Variants in HCFC1 observed in about 807,000 individuals in gnomAD.
HCFC1 encodes host cell factor 1.
A neutral mutation model predicts 105.5 loss-of-function variants in HCFC1; 7 were observed. The ratio of observed to expected loss-of-function variants is 0.07; its 90% CI spans 0.04 to 0.12. The LOEUF is 0.12. Ranked by LOEUF, HCFC1 falls within the 10% of genes least tolerant of loss-of-function variation. The pLI is 1.00. For missense variants in HCFC1, 1,065 were observed against 1,823.6 expected (o/e 0.58, Z 7.58); for synonymous variants, 918 against 828.1 (o/e 1.11, Z -1.86).
intron 13 of HCFC1, 126 bp downstream of exon 13, chrX:153,957,187 CA>C: frequency 1.0e-6 from 1 of 972,257 alleles, no homozygotes; most frequent in Admixed American, 2.7e-5. Flanking sequence ...CCCTTAGACA[CA>C]AAAGGCAGCA....
chrX:153,949,206 A>G lies in HCFC1; in HGVS notation c.*141T>C. The G allele has an allele frequency of 2.1e-6, 1 of 486,474 alleles. No individual in the cohort carries two copies. The highest frequency in any genetic ancestry group is 3.6e-6 in the Non-Finnish European group (1 of 275,085). The allele number at this position is 486,474 out of a possible 1,213,427, so 40.1% of individuals were successfully genotyped here. Reference sequence around the variant, plus strand: ...TTTAGATTATTTTAAAAACAGAGAGAAAGAGAAAGGGGAGAGGAGTGAACA... The same window carrying G: ...TTTAGATTATTTTAAAAACAGAGAGGAAGAGAAAGGGGAGAGGAGTGAACA... On this transcript the variant is annotated 3_prime_UTR_variant, in exon 26 of 26. Coordinates refer to ENST00000310441, the MANE Select transcript of HCFC1 (RefSeq NM_005334.3).
rs781908241 is a variant in HCFC1, at chrX:153,954,692, G to C, written c.3707C>G (p.Ala1236Gly). The C allele has an allele frequency of 4.2e-6, 5 of 1,202,314 alleles. No homozygotes were observed. The highest frequency in any genetic ancestry group is 5.6e-6 in the Non-Finnish European group (5 of 891,079). Residue 1236 changes from alanine (A) to glycine (G), a missense_variant, in exon 17 of 26, where the codon GCG becomes GGG. Ala to Gly is a moderately conservative substitution (Grantham distance 60). Around this residue, in one of 17 missense-constraint regions of HCFC1, gnomAD observed 546 missense variants for 599.9 expected, o/e 0.91. Transcript: ENST00000310441. The stretch of plus-strand genomic sequence containing the variant: ...ACGGGTCATGGCAGCGGTGCTGACC[G>C]CATGGCTGTGGCGCCCCGCAGGAAG... ...KDLPAGRHSH[A>G]VSTAAMTRSS...
chrX:153,970,437 G>A (rs1478531690), intron 1 of HCFC1, among the ~76,000 whole-genome samples: 1 of 96,161 alleles, frequency 1.0e-5, no homozygotes, highest in Admixed American at 1.1e-4. Context: ...GGAGGGAGGG[G>A]GAGGAGGGGA....
chrX:153,962,620 C>T (rs186658074), intron 4 of HCFC1, among the ~76,000 whole-genome samples: 25 of 112,675 alleles, frequency 2.2e-4, no homozygotes, highest in Admixed American at 2.0e-3. Context: ...ATACGTTCAC[C>T]GCCATAACCA....
Position 153,954,289 on chromosome X carries a change from C to T in HCFC1, c.4110G>A (p.Ser1370=), listed in dbSNP as rs2065347116. The T allele has an allele frequency of 4.2e-6, 5 of 1,199,045 alleles. No homozygotes were observed. The highest frequency in any genetic ancestry group is 5.6e-6 in the Non-Finnish European group (5 of 887,491). The change falls in exon 17 of 26, where the codon TCG becomes TCA. Residue 1370 remains serine, a synonymous_variant. Coordinates refer to ENST00000310441, the MANE Select transcript of HCFC1 (RefSeq NM_005334.3). The part of the protein sequence containing the change: ...HQTTSTGTTM[S]VSVGALLPDA... ...CGGGAAGCAGGGCACCCACGCTGAC[C>T]GACATGGTGGTGCCAGTGGAAGTGG...
intron 9 of HCFC1, among the ~76,000 whole-genome samples, chrX:153,959,067 G>C (rs1557115979): frequency 8.8e-6 from 1 of 113,145 alleles, no homozygotes; most frequent in Admixed American, 9.3e-5. Flanking sequence ...CAGCTGGCTA[G>C]ATCCTCCTCT....
intron 1 of HCFC1, among the ~76,000 whole-genome samples, chrX:153,966,036 C>T (rs1029917416): frequency 1.8e-5 from 2 of 110,738 alleles, no homozygotes; most frequent in Non-Finnish European, 3.8e-5. Context: ...AGGGAGACCC[C>T]GTCTCTACAA....
At chrX:153,951,199 T>C in intron 22 of HCFC1, 151 bp downstream of exon 22, 1 of 696,273 alleles carries the variant, frequency 1.4e-6, no homozygotes. Context: ...CCTTTTCTAC[T>C]GCTTCAGGGG....
intron 1 of HCFC1, chrX:153,969,825 G>C (rs2065508604): frequency 8.8e-6 from 1 of 113,067 alleles, no homozygotes. Flanking sequence ...TGGATCCGCA[G>C]AAGCGGGGAG....
chrX:153,953,697 G>A lies in HCFC1; in HGVS notation c.4407C>T (p.Ser1469=), dbSNP rs782449503. The change falls in exon 18 of 26, where the codon TCC becomes TCT. Residue 1469 remains serine (S), a synonymous_variant. Transcript: ENST00000310441. The stretch of plus-strand genomic sequence containing the variant: ...AGGACACGGTTGTCGTGATGGCACT[G>A]GAGCTGGTGATGTTCACGCTGTCGC... ...TQGDSVNITS[S]SAITTTVSST... The A allele has an allele frequency of 2.5e-6, 3 of 1,210,810 alleles. No homozygotes were observed. Among genetic ancestry groups the A allele is most frequent in the South Asian group, 1.8e-5 (1 of 56,955 alleles).
Position 153,956,667 on chromosome X carries a change from C to T in HCFC1, c.2593G>A (p.Val865Ile). 8.3e-7 allele frequency: 1 copy of T among 1,211,397 alleles called. No homozygotes were observed. The highest frequency in any genetic ancestry group is 1.1e-6 in the Non-Finnish European group (1 of 895,409). The change falls in exon 15 of 26, where the codon GTC becomes ATC. Residue 865 changes from valine to isoleucine, a missense_variant. Around this residue, in one of 17 missense-constraint regions of HCFC1, gnomAD observed 137 missense variants for 378.2 expected, o/e 0.36. Coordinates refer to ENST00000310441, the MANE Select transcript of HCFC1 (RefSeq NM_005334.3). The stretch of plus-strand genomic sequence containing the variant: ...ACCAACGTGGTGACGGCTGGCTTGA[C>T]GGCGGAGACGGTGACGGGTGTGACC... Reference protein sequence around the residue: ...RLVTPVTVSAVKPAVTTLVVK... With the variant: ...RLVTPVTVSAIKPAVTTLVVK...
rs782017804 is a variant in HCFC1, at chrX:153,955,144, C to T, written c.3255G>A (p.Thr1085=). 10 of 1,207,570 alleles carry T rather than the reference C, an allele frequency of 8.3e-6. No homozygotes were observed. The highest frequency in any genetic ancestry group is 1.8e-5 in the African/African-American group (1 of 56,435). Residue 1085 remains threonine (T), a synonymous_variant, in exon 17 of 26, where the codon ACG becomes ACA. Coordinates refer to ENST00000310441, the MANE Select transcript of HCFC1 (RefSeq NM_005334.3). ...CSNPPCETHE[T]GTTNTATTAT... The stretch of plus-strand genomic sequence containing the variant: ...CGGTGGTGGCGGTGTTGGTGGTGCC[C>T]GTCTCGTGGGTCTCGCAGGGCGGGT...
Position 153,958,760 on chromosome X carries a change from C to A in HCFC1, c.1612G>T (p.Gly538Cys). The change falls in exon 10 of 26, where the codon GGC becomes TGC. Residue 538 changes from glycine to cysteine, a missense_variant. Physicochemically the swap from Gly to Cys is radical, Grantham distance 159. Coordinates refer to ENST00000310441, the MANE Select transcript of HCFC1 (RefSeq NM_005334.3). ...ATCCCACTCATCTGTGGGCTACTGCCAATCACCTGCAGCAGGCACGGGCAT... is the reference window on the plus strand; with the variant it reads ...ATCCCACTCATCTGTGGGCTACTGCAAATCACCTGCAGCAGGCACGGGCAT... ...PTQSAQGTVI[G>C]SSPQMSGMAA... 8.6e-7 allele frequency: 1 copy of A among 1,158,686 alleles called. No individual in the cohort carries two copies.
Position 153,954,803 on chromosome X carries a change from C to G in HCFC1, c.3596G>C (p.Arg1199Pro). ...AGPLLGPSMA[R>P]EPGGRSPAFV... Reference sequence around the variant, plus strand: ...AGCAGGGCTGCGGCCCCCGGGCTCCCGTGCCATGCTCGGCCCAAGGAGTGG... The same window carrying G: ...AGCAGGGCTGCGGCCCCCGGGCTCCGGTGCCATGCTCGGCCCAAGGAGTGG... Residue 1199 changes from arginine (R) to proline (P), a missense_variant, in exon 17 of 26, where the codon CGG (arginine) becomes CCG (proline). By Grantham distance (103) the Arg-to-Pro change is moderately radical. This residue lies in a region of HCFC1 where 546 missense variants were observed against 599.9 expected (regional missense o/e 0.91). Transcript: ENST00000310441. 1 of 1,163,907 alleles carries G rather than the reference C, an allele frequency of 8.6e-7. No individual in the cohort carries two copies. The highest frequency in any genetic ancestry group is 1.9e-5 in the South Asian group (1 of 52,767).
In HCFC1 at chrX:153,950,418, C is replaced by T. The variant is rs782320382; in HGVS notation, c.5829G>A (p.Pro1943=). 1.1e-5 allele frequency: 13 copies of T among 1,208,173 alleles called. No homozygotes were observed. The highest frequency in any genetic ancestry group is 4.4e-5 in the Admixed American group (2 of 45,749). ...QAGGELKSST[P]AQLAFMRVYC... ...ACACCCGCATGAAGGCCAGCTGGGC[C>T]GGGGTGGAGCTCTTGAGCTCGCCCC... Residue 1943 remains proline (P), a synonymous_variant, in exon 24 of 26, where the codon CCG becomes CCA. Coordinates refer to ENST00000310441, the MANE Select transcript of HCFC1 (RefSeq NM_005334.3).
At chrX:153,963,118 G>T in intron 4 of HCFC1, 107 bp downstream of exon 4, 1 of 588,670 alleles carries the variant, frequency 1.7e-6, no homozygotes, top group Non-Finnish European at 2.9e-6. Context: ...GTATGCTCCA[G>T]CTCCCTAAGA....
chrX:153,971,571 G>T lies in HCFC1; in HGVS notation c.-731C>A. 1 of 294,031 alleles carries T rather than the reference G, an allele frequency of 3.4e-6. No individual in the cohort carries two copies. Among genetic ancestry groups the T allele is most frequent in the Admixed American group, 6.1e-5 (1 of 16,392 alleles). The allele number at this position is 294,031 out of a possible 1,213,427, so 24.2% of individuals were successfully genotyped here. On this transcript the variant is annotated 5_prime_UTR_variant, in exon 1 of 26. Transcript: ENST00000310441. ...CGCCTCTGCTGCTCAGGCTGCGCCTGCCGCCGTGGGAGCCGCCATCTTGAG... is the reference window on the plus strand; with the variant it reads ...CGCCTCTGCTGCTCAGGCTGCGCCTTCCGCCGTGGGAGCCGCCATCTTGAG...
In HCFC1 at chrX:153,950,499, G is replaced by A; in HGVS notation, c.5748C>T (p.Thr1916=). 1.7e-6 allele frequency: 2 copies of A among 1,181,686 alleles called. No homozygotes were observed. The highest frequency in any genetic ancestry group is 1.1e-6 in the Non-Finnish European group (1 of 878,615). ...CGGAGTACTCGATAATCTTGCCGGA[G>A]GTCACAGAGGGTGGCTCCCAGGTGA... ...AHLTWEPPSV[T]SGKIIEYSVY... is the part of the protein sequence containing the mutation. The change falls in exon 24 of 26, where the codon ACC becomes ACT. Residue 1916 remains threonine, a synonymous_variant. Coordinates refer to ENST00000310441, the MANE Select transcript of HCFC1 (RefSeq NM_005334.3).
At position 153,964,860 on chromosome X, in the gene HCFC1, A is replaced by G. The variant is rs782493306; in HGVS notation, c.194-134T>C. The stretch of plus-strand genomic sequence containing the variant: ...TCCCTGCGGGCGCTCTAGCAACTCC[A>G]GCTGCGCTACCTGGGCCATCTTCCA... On this transcript the variant is annotated intron_variant, in intron 1 of 25. Coordinates refer to ENST00000310441, the MANE Select transcript of HCFC1 (RefSeq NM_005334.3). 1.5e-5 allele frequency: 9 copies of G among 599,318 alleles called. No individual in the cohort carries two copies. The African/African-American group carries it at 2.1e-4, about 14-fold the overall frequency. 49.4% of individuals were successfully genotyped at this position (599,318 alleles called of 1,213,427 possible). A position where few individuals can be genotyped will look rare whatever the true frequency, so the allele number is the denominator to read the frequency against.
Sources: gnomAD v4.1 joint callset for allele counts (sites outside exome capture counted in the v4.1 genomes callset) on GRCh38, gnomAD v4.1.1 for gene constraint, gnomAD v4.1.1 regional missense constraint, MANE v1.5 for transcripts, NCBI Gene and HGNC (gene_info 2026-07-23, HGNC 2026-07-21) for gene names.